The following KDM5A variants were observed in gnomAD, a reference collection of about 807,000 sequenced individuals.
KDM5A encodes the protein lysine demethylase 5A.
A neutral mutation model predicts 193.5 loss-of-function variants in KDM5A; 42 were observed. The observed-to-expected ratio is 0.22, with a 90% CI of 0.17 to 0.28. The LOEUF (loss-of-function observed/expected upper bound fraction) is 0.28, where lower values mean the gene tolerates loss of function less well. Ranked by LOEUF, KDM5A falls within the 10% of genes least tolerant of loss-of-function variation. The pLI is 1.00. For missense variants in KDM5A, 1,692 were observed against 2,055.1 expected, an observed-to-expected ratio of 0.82 and a Z score of 3.42; for synonymous variants, 796 against 718.1, an observed-to-expected ratio of 1.11 and a Z score of -1.73.
intron 1 of KDM5A, chr12:388,305 T>C: frequency 2.2e-6 from 1 of 455,920 alleles, no homozygotes; most frequent in East Asian, 6.9e-5. Flanking sequence ...CTAAAATCGT[T>C]GATCTTGAGT....
intron 27 of KDM5A, among the ~76,000 whole-genome samples, chr12:292,225 G>A (rs936381403): frequency 1.2e-4 from 18 of 152,118 alleles, no homozygotes; most frequent in African/African-American, 4.3e-4. Context: ...GCATTTATAG[G>A]TTTGAATTAT....
At chr12:350,841 T>G in intron 9 of KDM5A, 62 bp from the exon 10 acceptor site, 1 of 1,414,216 alleles carries the variant, frequency 7.1e-7, no homozygotes, top group Non-Finnish European at 1.0e-6. Context: ...CCATATAACA[T>G]AATACACAGG....
chr12:287,846 T>C (rs1489313383), intron 27 of KDM5A, among the ~76,000 whole-genome samples: 1 of 152,212 alleles, frequency 6.6e-6, no homozygotes, highest in Admixed American at 6.5e-5. Context: ...GTGTCCCATG[T>C]CTTTTTAAAT....
At position 329,136 on chromosome 12, in the gene KDM5A, C is replaced by T; in HGVS notation, c.1774-107G>A. ...CTTTTATTAGAAAGAAGACAGAATA[C>T]CAAATCCATTTAAATATAAAGAGGC... On this transcript the variant is annotated intron_variant, in intron 13 of 27. Transcript: ENST00000399788. The T allele has an allele frequency of 7.9e-6, 7 of 887,194 alleles. No individual in the cohort carries two copies. In the South Asian group the frequency reaches 9.8e-5, roughly 12 times the overall value. 55.0% of individuals were successfully genotyped at this position (887,194 alleles called of 1,614,324 possible). A position where few individuals can be genotyped will look rare whatever the true frequency, so the allele number is the denominator to read the frequency against.
chr12:303,944 TA>T (rs1456819838), intron 24 of KDM5A, among the ~76,000 whole-genome samples: 1 of 152,220 alleles, frequency 6.6e-6, no homozygotes, highest in Non-Finnish European at 1.5e-5. Flanking sequence ...GGTCTTTGAA[TA>T]AAGTTGTTTT....
At chr12:332,341 A>C (rs1051989147) in intron 12 of KDM5A, among the ~76,000 whole-genome samples, 1 of 152,214 alleles carries the variant, frequency 6.6e-6, no homozygotes, top group Non-Finnish European at 1.5e-5. Context: ...CACATGGCAT[A>C]TGAGACATCC....
chr12:372,390 GCTCT>G (rs1299599065), intron 3 of KDM5A, among the ~76,000 whole-genome samples: 9 of 151,528 alleles, frequency 5.9e-5, no homozygotes, highest in South Asian at 4.2e-4. Context: ...TCATGATTTG[GCTCT>G]CTGTTATTGG....
At chr12:383,308 G>A (rs529753653) in intron 3 of KDM5A, among the ~76,000 whole-genome samples, 8 of 151,942 alleles carry the variant, frequency 5.3e-5, no homozygotes, top group African/African-American at 1.2e-4. Context: ...TTGACTTTCC[G>A]GACTCATGTG....
Position 286,313 on chromosome 12 carries a change from T to C in KDM5A, c.4867-651A>G, listed in dbSNP as rs533793216. ...CACTCTGGGGTTTAAAATTAAAATCTGAAAAACTGATAGGTCAGTGGCAGG... is the reference window on the plus strand; with the variant it reads ...CACTCTGGGGTTTAAAATTAAAATCCGAAAAACTGATAGGTCAGTGGCAGG... On this transcript the variant is annotated intron_variant, in intron 27 of 27. Transcript: ENST00000399788. The C allele has an allele frequency of 1.5e-5, 6 of 387,546 alleles. No individual in the cohort carries two copies. The East Asian group carries it at 3.0e-4, about 19-fold the overall frequency. The allele number at this position is 387,546 out of a possible 1,614,324, so 24.0% of individuals were successfully genotyped here.
chr12:311,993 C>T (rs1943593102), intron 20 of KDM5A, among the ~76,000 whole-genome samples: 1 of 152,136 alleles, frequency 6.6e-6, no homozygotes, highest in African/African-American at 2.4e-5. Flanking sequence ...AAGATCACAC[C>T]ACTGCACTCC....
intron 11 of KDM5A, among the ~76,000 whole-genome samples, chr12:333,954 C>CGA (rs1304344845): frequency 6.6e-6 from 1 of 152,154 alleles, no homozygotes; most frequent in Non-Finnish European, 1.5e-5. Context: ...GAAAAGTAAG[C>CGA]ACTGTCCCAA....
In KDM5A at chr12:353,062, G is replaced by C. The variant is rs564745264; in HGVS notation, c.1030-738C>G. On this transcript the variant is annotated intron_variant, in intron 8 of 27. Transcript: ENST00000399788. ...TGGGGCAAGCTAAAAGATACCATCA[G>C]GGCCCGGCACAGTGGCTCGTGTCTG... Among the ~76,000 whole-genome samples, 21 of 152,278 alleles carry C rather than the reference G, an allele frequency of 1.4e-4. No individual in the cohort carries two copies. The South Asian group carries it at 4.3e-3, about 32-fold the overall frequency.
intron 5 of KDM5A, among the ~76,000 whole-genome samples, chr12:361,624 C>A (rs541470020): frequency 2.0e-5 from 3 of 152,138 alleles, no homozygotes; most frequent in Non-Finnish European, 4.4e-5. Flanking sequence ...GCAATTGGGG[C>A]AACTCTTCAA....
chr12:371,635 T>A lies in KDM5A; in HGVS notation c.367-5531A>T, dbSNP rs937358003. Among the ~76,000 whole-genome samples the A allele has an allele frequency of 2.6e-5, 4 of 152,208 alleles. No homozygotes were observed. In the East Asian group the frequency reaches 7.7e-4, roughly 29 times the overall value. On this transcript the variant is annotated intron_variant, in intron 3 of 27. Transcript: ENST00000399788. ...TTAGATCCCATTTGTCTATTTTGGC[T>A]TTTGTTGCCATTGCTTTTGGTGTTT...
intron 8 of KDM5A, 85 bp from the exon 9 acceptor site, chr12:352,409 C>T: frequency 1.6e-6 from 2 of 1,240,704 alleles, no homozygotes; most frequent in Non-Finnish European, 2.4e-6. Flanking sequence ...ATTCTTTGAT[C>T]ATTTCCCTAG....
At chr12:372,652 G>A (rs907282327) in intron 3 of KDM5A, among the ~76,000 whole-genome samples, 6 of 152,158 alleles carry the variant, frequency 3.9e-5, no homozygotes, top group Admixed American at 3.3e-4. Flanking sequence ...GTGAGAGAGG[G>A]CATCCCTGTA....
rs1050568979 is a variant in KDM5A, at chr12:344,147, A to T, written c.1308+6474T>A. On this transcript the variant is annotated intron_variant, in intron 10 of 27. Coordinates refer to ENST00000399788, the MANE Select transcript of KDM5A (RefSeq NM_001042603.3). ...CAAGCTTCAATAGCCAATTTGATCA[A>T]GTGGAAGAAAGGGTATCAGTGATTG... is the stretch of plus-strand genomic sequence containing the variant. Among the ~76,000 whole-genome samples, 4 of 152,258 alleles carry T rather than the reference A, an allele frequency of 2.6e-5. No individual in the cohort carries two copies. In the East Asian group the frequency reaches 5.8e-4, roughly 22 times the overall value.
chr12:340,603 A>G (rs2300131), intron 10 of KDM5A, among the ~76,000 whole-genome samples: 68,376 of 150,904 alleles, frequency 0.45, 18,123 homozygotes, highest in African/African-American at 0.74. Context: ...GCTGATGCAA[A>G]AGAATCACTT....
chr12:313,615 A>C (rs1943615965), intron 19 of KDM5A, among the ~76,000 whole-genome samples: 1 of 152,198 alleles, frequency 6.6e-6, no homozygotes, highest in South Asian at 2.1e-4. Context: ...GCAATATAGA[A>C]AACAATAGAC....
Sources: gnomAD v4.1 joint callset for allele counts (sites outside exome capture counted in the v4.1 genomes callset) on GRCh38, gnomAD v4.1.1 for gene constraint, MANE v1.5 for transcripts, NCBI Gene and HGNC (gene_info 2026-07-23, HGNC 2026-07-21) for gene names.